The following STIM1 variants were observed in gnomAD, a reference collection of about 807,000 sequenced individuals.
STIM1 encodes the protein stromal interaction molecule 1.
A neutral mutation model predicts 74.7 loss-of-function variants in STIM1; 25 were observed. The observed-to-expected ratio is 0.33, with a 90% confidence interval of 0.24 to 0.47. The LOEUF (loss-of-function observed/expected upper bound fraction) is 0.47. STIM1 is among the 20% of genes least tolerant of loss of function. The probability of loss-of-function intolerance (pLI) is 1.00; values close to 1 mark genes in which losing one functional copy is unlikely to be tolerated. For synonymous variants in STIM1, 328 were observed against 348.8 expected (o/e 0.94, Z 0.66); for missense variants, 728 against 920.8 (o/e 0.79, Z 2.71).
intron 1 of STIM1, among the ~76,000 whole-genome samples, chr11:3,938,365 G>A (rs1293519372): frequency 6.6e-6 from 1 of 151,902 alleles, no homozygotes; most frequent in African/African-American, 2.4e-5. Context: ...ATACCAAGGG[G>A]TGTTGAGAAC....
At chr11:4,058,490 G>C (rs1229437383) in intron 4 of STIM1, among the ~76,000 whole-genome samples, 1 of 152,228 alleles carries the variant, frequency 6.6e-6, no homozygotes, top group Non-Finnish European at 1.5e-5. Context: ...TTATAGAGTA[G>C]TATAGAATTA....
intron 1 of STIM1, among the ~76,000 whole-genome samples, chr11:3,905,282 A>G (rs1200456482): frequency 2.0e-5 from 3 of 152,090 alleles, no homozygotes; most frequent in African/African-American, 4.8e-5. Context: ...ATGTAGAACA[A>G]AAGACTTTTT....
At chr11:4,044,702 A>T (rs2094176603) in intron 3 of STIM1, among the ~76,000 whole-genome samples, 1 of 152,216 alleles carries the variant, frequency 6.6e-6, no homozygotes, top group Non-Finnish European at 1.5e-5. Context: ...TTGGTCTGAC[A>T]TGCTGAAGCT....
chr11:3,991,316 T>C (rs977445735), intron 2 of STIM1, among the ~76,000 whole-genome samples: 1 of 151,682 alleles, frequency 6.6e-6, no homozygotes, highest in Non-Finnish European at 1.5e-5. Flanking sequence ...ACTACAGGCA[T>C]GCACCACTGC....
At chr11:4,047,020 A>G (rs989520294) in intron 3 of STIM1, among the ~76,000 whole-genome samples, 3 of 152,098 alleles carry the variant, frequency 2.0e-5, no homozygotes, top group African/African-American at 7.2e-5. Flanking sequence ...TTTTCTAAGG[A>G]GGTTTTGTTG....
chr11:3,873,279 G>A (rs1199154512), intron 1 of STIM1, among the ~76,000 whole-genome samples: 3 of 152,064 alleles, frequency 2.0e-5, no homozygotes, highest in Admixed American at 6.5e-5. Flanking sequence ...TTAGCTGAGC[G>A]TGGTGGCGCA....
intron 1 of STIM1, among the ~76,000 whole-genome samples, chr11:3,937,301 A>ATAATAATAATAATAATAG (rs2092945269): frequency 6.9e-6 from 1 of 145,610 alleles, no homozygotes; most frequent in African/African-American, 2.5e-5. Context: ...AATAATAATA[A>ATAATAATAATAATAATAG]TAATAATAAT....
chr11:4,053,463 C>T (rs1282476308), intron 3 of STIM1, among the ~76,000 whole-genome samples: 1 of 151,872 alleles, frequency 6.6e-6, no homozygotes. Context: ...CCATCATTCT[C>T]AGCAAAATAT....
chr11:4,078,427 C>T (rs959127081), intron 7 of STIM1, among the ~76,000 whole-genome samples: 3 of 152,102 alleles, frequency 2.0e-5, no homozygotes, highest in South Asian at 4.2e-4. Context: ...GCCCAATTTT[C>T]GGCTGTCACC....
chr11:3,946,441 T>G (rs2093074572), intron 1 of STIM1, among the ~76,000 whole-genome samples: 1 of 152,154 alleles, frequency 6.6e-6, no homozygotes, highest in Non-Finnish European at 1.5e-5. Flanking sequence ...CAGAGATGCT[T>G]CTGAGGTGAT....
At chr11:3,939,861 G>A (rs1426466950) in intron 1 of STIM1, among the ~76,000 whole-genome samples, 4 of 152,124 alleles carry the variant, frequency 2.6e-5, no homozygotes, top group African/African-American at 4.8e-5. Flanking sequence ...GCTGTTTTTG[G>A]TTGACCTTCT....
At chr11:3,993,465 T>C (rs1413904232) in intron 2 of STIM1, among the ~76,000 whole-genome samples, 1 of 152,176 alleles carries the variant, frequency 6.6e-6, no homozygotes, top group East Asian at 1.9e-4. Context: ...GAGACCAGCC[T>C]GGCCAACATA....
chr11:4,047,820 CTT>C (rs551025610), intron 3 of STIM1, among the ~76,000 whole-genome samples: 22 of 133,034 alleles, frequency 1.7e-4, no homozygotes, highest in East Asian at 2.3e-4. Flanking sequence ...ACCTGTCTCT[CTT>C]TTTTTTTTTT....
intron 3 of STIM1, among the ~76,000 whole-genome samples, chr11:4,024,236 C>T (rs115597556): frequency 6.6e-4 from 100 of 152,210 alleles, no homozygotes; most frequent in African/African-American, 2.3e-3. Flanking sequence ...CTACCCCTTT[C>T]GTCACCCACC....
rs199703197 is a variant in STIM1 at position 4,082,369 on chromosome 11, A to G, written c.1137+18A>G. ...AGGAGGGGGTGAGAACAGCCCTTCTATTGTCCTCTTTTCTCCTTTTTGCCC... is the reference window on the plus strand; with the variant it reads ...AGGAGGGGGTGAGAACAGCCCTTCTGTTGTCCTCTTTTCTCCTTTTTGCCC... On this transcript the variant is annotated intron_variant, in intron 8 of 12. Transcript: ENST00000526596. The G allele has an allele frequency of 2.0e-5, 32 of 1,599,520 alleles. No homozygotes were observed. The highest frequency in any genetic ancestry group is 4.5e-5 in the East Asian group (2 of 44,422).
intron 7 of STIM1, among the ~76,000 whole-genome samples, chr11:4,081,818 T>A (rs2094467137): frequency 6.6e-6 from 1 of 152,242 alleles, no homozygotes; most frequent in Non-Finnish European, 1.5e-5. Flanking sequence ...TCTTGAAGTC[T>A]AAGCACAGAC....
rs182689199 is a variant in STIM1 at position 3,869,998 on chromosome 11, A to G, written c.139+13589A>G. ...TGGTGGTGCCATTAGCAGAAAATAT[A>G]TGGCAGTCAGAAGGAGGGTCAGTGC... On this transcript the variant is annotated intron_variant, in intron 1 of 12. Coordinates refer to ENST00000526596, the MANE Select transcript of STIM1 (RefSeq NM_001382567.1). Among the ~76,000 whole-genome samples, 21 of 152,310 alleles carry G rather than the reference A, an allele frequency of 1.4e-4. No homozygotes were observed. The East Asian group carries it at 4.0e-3, about 29-fold the overall frequency.
intron 3 of STIM1, among the ~76,000 whole-genome samples, chr11:4,047,506 C>T (rs1438530630): frequency 6.6e-6 from 1 of 152,226 alleles, no homozygotes; most frequent in Admixed American, 6.5e-5. Flanking sequence ...ATCCCAGCTA[C>T]TCCAGAGGCT....
intron 7 of STIM1, among the ~76,000 whole-genome samples, chr11:4,080,381 C>T (rs1299672266): frequency 6.6e-6 from 1 of 152,040 alleles, no homozygotes; most frequent in Non-Finnish European, 1.5e-5. Flanking sequence ...TATTACTGTG[C>T]ATGGCATGAT....
Sources: gnomAD v4.1 joint callset for allele counts (sites outside exome capture counted in the v4.1 genomes callset) on GRCh38, gnomAD v4.1.1 for gene constraint, MANE v1.5 for transcripts, NCBI Gene and HGNC (gene_info 2026-07-23, HGNC 2026-07-21) for gene names.